CCPG1: variants seen among roughly 807,000 people sequenced by gnomAD.
CCPG1 encodes the protein cell cycle progression 1, also known as cell cycle progression protein 1.
In CCPG1, 46 loss-of-function variants were observed where a neutral mutation model predicts 81.3. The ratio of observed to expected loss-of-function variants is 0.57; its 90% CI spans 0.45 to 0.72. The LOEUF (loss-of-function observed/expected upper bound fraction) is 0.72, where lower values mean the gene tolerates loss of function less well. CCPG1 is among the 30% of genes least tolerant of loss of function. The probability of loss-of-function intolerance (pLI) is 0.00; values close to 1 mark genes in which losing one functional copy is unlikely to be tolerated. For synonymous variants in CCPG1, 330 were observed against 305.2 expected (o/e 1.08, Z -0.85); for missense variants, 902 against 937.6 (o/e 0.96, Z 0.50).
intron 3 of CCPG1, among the ~76,000 whole-genome samples, chr15:55,379,773 G>C (rs1056877230): frequency 2.6e-5 from 4 of 151,958 alleles, no homozygotes; most frequent in Non-Finnish European, 5.9e-5. Context: ...TGTACAAACA[G>C]AATGATGACT....
At chr15:55,359,260 T>A in intron 8 of CCPG1, 1 of 1,102,528 alleles carries the variant, frequency 9.1e-7, no homozygotes, top group Non-Finnish European at 1.1e-6. Context: ...GAAACAAACT[T>A]GGCCAAAGTA....
At position 55,360,402 on chromosome 15, in the gene CCPG1, A is replaced by G; in HGVS notation, c.1371T>C (p.Asp457=). Residue 457 remains aspartate (D), a synonymous_variant, in exon 8 of 9, where the codon GAT becomes GAC. Coordinates refer to ENST00000442196, the MANE Select transcript of CCPG1 (RefSeq NM_001204450.2). ...CATCTGTTCCTTGTTTTCCATTTTG[A>G]TCTTTTGCCTCAACATACAATCTTT... ...LWERLYVEAK[D]QNGKQGTDGK... is the part of the protein sequence containing the mutation. 1.2e-6 allele frequency: 2 copies of G among 1,612,636 alleles called. No homozygotes were observed. The highest frequency in any genetic ancestry group is 1.1e-5 in the South Asian group (1 of 91,026).
intron 6 of CCPG1, among the ~76,000 whole-genome samples, chr15:55,367,622 GAAAAAA>G (rs34685266): frequency 1.4e-5 from 2 of 146,620 alleles, no homozygotes; most frequent in Non-Finnish European, 3.0e-5. Context: ...TTGTAGGGTG[GAAAAAA>G]AAAAAAAATC....
intron 1 of CCPG1, among the ~76,000 whole-genome samples, chr15:55,406,436 C>CTTTTTTTTTTTTTTTTTTCT (rs143238270): frequency 7.9e-6 from 1 of 126,274 alleles, no homozygotes; most frequent in African/African-American, 3.0e-5. Flanking sequence ...TTCTTTTTCT[C>CTTTTTTTTTTTTTTTTTTCT]TTTTTTTTTT....
intron 1 of CCPG1, among the ~76,000 whole-genome samples, chr15:55,392,954 A>T (rs1307351384): frequency 6.6e-6 from 1 of 152,094 alleles, no homozygotes; most frequent in Admixed American, 6.5e-5. Context: ...AATACAAAAA[A>T]TTAGCCGGGC....
chr15:55,381,797 C>T (rs2141293769), intron 3 of CCPG1, among the ~76,000 whole-genome samples: 1 of 99,866 alleles, frequency 1.0e-5, no homozygotes, highest in South Asian at 2.8e-4. Context: ...GCATCAAATC[C>T]CATGTGAAGT....
chr15:55,383,995 A>G (rs2056752397), intron 3 of CCPG1, among the ~76,000 whole-genome samples: 1 of 152,094 alleles, frequency 6.6e-6, no homozygotes, highest in South Asian at 2.1e-4. Flanking sequence ...CAACTTGGCT[A>G]ACTATCTGGC....
At chr15:55,378,182 A>G (rs1197702044) in intron 4 of CCPG1, 118 bp downstream of exon 4, 1 of 573,344 alleles carries the variant, frequency 1.7e-6, no homozygotes, top group Non-Finnish European at 3.0e-6. Context: ...CTAACTTAGA[A>G]GTCAAAATTG....
chr15:55,384,838 C>T lies in CCPG1; in HGVS notation c.175+762G>A, dbSNP rs552055634. Among the ~76,000 whole-genome samples, 6 of 152,124 alleles carry T rather than the reference C, an allele frequency of 3.9e-5. No individual in the cohort carries two copies. The South Asian group carries it at 1.2e-3, about 32-fold the overall frequency. ...ATCTGCGAAGTACAATAAAGCAAAG[C>T]AGAATAAAATGAGAGGCATGTCTGT... On this transcript the variant is annotated intron_variant, in intron 3 of 8. Coordinates refer to ENST00000442196, the MANE Select transcript of CCPG1 (RefSeq NM_001204450.2).
chr15:55,357,252 C>T, intron 8 of CCPG1: 1 of 957,510 alleles, frequency 1.0e-6, no homozygotes, highest in African/African-American at 1.8e-5. Context: ...GATGACCCAA[C>T]CCAGAAATCT....
chr15:55,388,897 G>A (rs1357508804), intron 2 of CCPG1, among the ~76,000 whole-genome samples: 2 of 151,670 alleles, frequency 1.3e-5, no homozygotes, highest in Non-Finnish European at 2.9e-5. Context: ...GGTGAAACTC[G>A]TCTCTACTGA....
intron 6 of CCPG1, among the ~76,000 whole-genome samples, chr15:55,367,589 A>T (rs564707424): frequency 6.7e-6 from 1 of 150,226 alleles, no homozygotes; most frequent in Non-Finnish European, 1.5e-5. Context: ...TAGCCAACAC[A>T]TCCAGCTGTG....
At chr15:55,392,149 TAAAAAAA>T (rs2056931880) in intron 1 of CCPG1, among the ~76,000 whole-genome samples, 2 of 149,994 alleles carry the variant, frequency 1.3e-5, no homozygotes, top group African/African-American at 4.9e-5. Context: ...GAAAGTTCTT[TAAAAAAA>T]TAAAAAATAA....
intron 1 of CCPG1, among the ~76,000 whole-genome samples, chr15:55,403,966 T>G (rs1033974512): frequency 1.3e-5 from 2 of 152,218 alleles, no homozygotes; most frequent in African/African-American, 4.8e-5. Context: ...AGTCTTTCTT[T>G]AACTTGCATA....
chr15:55,389,068 CA>C (rs373917631), intron 2 of CCPG1, among the ~76,000 whole-genome samples: 84 of 56,294 alleles, frequency 1.5e-3, no homozygotes, highest in African/African-American at 2.7e-3. Flanking sequence ...GACTCTGTCT[CA>C]AAAAAAAAAA....
chr15:55,389,005 G>A (rs946427809), intron 2 of CCPG1, among the ~76,000 whole-genome samples: 1 of 134,892 alleles, frequency 7.4e-6, no homozygotes, highest in Non-Finnish European at 1.5e-5. Context: ...TGGGGCGGAG[G>A]TTGCAGTGAG....
In CCPG1 at chr15:55,355,933, A is replaced by T. The variant is rs902196155; in HGVS notation, c.*287T>A. ...GCTTTAAGCTCTTACACTGAAAGGA[A>T]GTCTCATTTCATGCACAAAATCTGT... On this transcript the variant is annotated 3_prime_UTR_variant, in exon 9 of 9. Transcript: ENST00000442196. 4.4e-5 allele frequency: 18 copies of T among 404,648 alleles called. No individual in the cohort carries two copies. Among genetic ancestry groups the T allele is most frequent in the Non-Finnish European group, 7.9e-5 (18 of 228,704 alleles). The allele number at this position is 404,648 out of a possible 1,614,324, so 25.1% of individuals were successfully genotyped here. A position where few individuals can be genotyped will look rare whatever the true frequency, so the allele number is the denominator to read the frequency against.
chr15:55,404,995 C>A (rs897467803), intron 1 of CCPG1, among the ~76,000 whole-genome samples: 1 of 151,638 alleles, frequency 6.6e-6, no homozygotes, highest in Non-Finnish European at 1.5e-5. Context: ...GAGGCCAAGG[C>A]GGACAGATCA....
At chr15:55,393,113 T>G (rs1280768755) in intron 1 of CCPG1, among the ~76,000 whole-genome samples, 2 of 151,854 alleles carry the variant, frequency 1.3e-5, no homozygotes, top group East Asian at 3.9e-4. Context: ...TCAAAATAAA[T>G]AAATTAATTA....
Sources: gnomAD v4.1 joint callset for allele counts (sites outside exome capture counted in the v4.1 genomes callset) on GRCh38, gnomAD v4.1.1 for gene constraint, MANE v1.5 for transcripts, NCBI Gene and HGNC (gene_info 2026-07-23, HGNC 2026-07-21) for gene names.